Variants in CCDC18 observed in about 807,000 individuals in gnomAD.
CCDC18 encodes the protein coiled-coil domain containing 18.
In CCDC18, 157 loss-of-function variants were observed where a neutral mutation model predicts 196.0. That is an observed-to-expected ratio of 0.80 (90% CI 0.70 to 0.91). The LOEUF (loss-of-function observed/expected upper bound fraction) is 0.91, where lower values mean the gene tolerates loss of function less well. CCDC18 is among the 40% of genes least tolerant of loss of function. The pLI, the probability that CCDC18 is intolerant of heterozygous loss-of-function variation, is 0.00. For missense variants in CCDC18, 1,465 were observed against 1,611.6 expected (o/e 0.91, Z 1.56); for synonymous variants, 482 against 529.2 (o/e 0.91, Z 1.22).
chr1:93,214,762 A>G lies in CCDC18; in HGVS notation c.1515A>G (p.Gln505=). Reference sequence around the variant, plus strand: ...TATTAGCAGAAAGCGTAAAAGATCAAAATCAACATACTATGAACAAGCAAT... The same window carrying G: ...TATTAGCAGAAAGCGTAAAAGATCAGAATCAACATACTATGAACAAGCAAT... ...GHQVAESVKD[Q]NQHTMNKQYE... Residue 505 remains glutamine (Q), a synonymous_variant, in exon 12 of 29, where the codon CAA becomes CAG. Coordinates refer to ENST00000690025, the MANE Select transcript of CCDC18 (RefSeq NM_001378204.1). The G allele has an allele frequency of 1.2e-6, 2 of 1,611,564 alleles. No individual in the cohort carries two copies. Among genetic ancestry groups the G allele is most frequent in the Non-Finnish European group, 1.7e-6 (2 of 1,179,398 alleles).
intron 8 of CCDC18, among the ~76,000 whole-genome samples, chr1:93,206,400 T>C (rs1359653367): frequency 6.6e-6 from 1 of 152,116 alleles, no homozygotes; most frequent in Non-Finnish European, 1.5e-5. Context: ...TCACTTAAAA[T>C]TTTTATACTT....
intron 17 of CCDC18, among the ~76,000 whole-genome samples, chr1:93,228,606 TTTTCTA>T (rs1658770965): frequency 6.6e-6 from 1 of 152,148 alleles, no homozygotes; most frequent in Non-Finnish European, 1.5e-5. Flanking sequence ...AGGCATATAT[TTTTCTA>T]CTCCAATACA....
At chr1:93,208,581 C>G (rs1655100209) in intron 9 of CCDC18, among the ~76,000 whole-genome samples, 1 of 152,062 alleles carries the variant, frequency 6.6e-6, no homozygotes, top group Non-Finnish European at 1.5e-5. Flanking sequence ...AGGCGTGAGC[C>G]ACCATGCCTG....
intron 28 of CCDC18, among the ~76,000 whole-genome samples, chr1:93,272,722 A>G (rs1299106382): frequency 6.6e-6 from 1 of 152,214 alleles, no homozygotes; most frequent in Non-Finnish European, 1.5e-5. Context: ...AAACATCAAG[A>G]ATAGACAACT....
chr1:93,251,037 A>G (rs1477034946), intron 23 of CCDC18, among the ~76,000 whole-genome samples: 1 of 151,868 alleles, frequency 6.6e-6, no homozygotes, highest in African/African-American at 2.4e-5. Context: ...TTTCTTTCCC[A>G]CTTACTGTCT....
At chr1:93,201,150 G>T (rs933861067) in intron 6 of CCDC18, among the ~76,000 whole-genome samples, 1 of 152,160 alleles carries the variant, frequency 6.6e-6, no homozygotes, top group Non-Finnish European at 1.5e-5. Flanking sequence ...TTTCTGAAGG[G>T]TTAAGAGTTA....
At chr1:93,277,572 A>C (rs1376550919) in intron 28 of CCDC18, among the ~76,000 whole-genome samples, 1 of 145,644 alleles carries the variant, frequency 6.9e-6, no homozygotes, top group Non-Finnish European at 1.5e-5. Context: ...CAATCCATTT[A>C]ACTCTGAGTT....
upstream of CCDC18, chr1:93,180,146 C>A: frequency 6.2e-7 from 1 of 1,613,596 alleles, no homozygotes; most frequent in South Asian, 1.1e-5. Flanking sequence ...AAGTCGCTAT[C>A]GAGGGAAGGT....
At chr1:93,207,568 C>G (rs2101926773) in intron 9 of CCDC18, among the ~76,000 whole-genome samples, 170 bp downstream of exon 9, 1 of 152,206 alleles carries the variant, frequency 6.6e-6, no homozygotes, top group African/African-American at 2.4e-5. Flanking sequence ...ACTTACCATT[C>G]TACACTTTTC....
At chr1:93,261,660 C>G (rs190709758) in intron 26 of CCDC18, among the ~76,000 whole-genome samples, 1 of 152,166 alleles carries the variant, frequency 6.6e-6, no homozygotes, top group Non-Finnish European at 1.5e-5. Context: ...CAATCACCCA[C>G]AAAAATGTTA....
At chr1:93,225,982 T>C (rs1462770140) in intron 16 of CCDC18, among the ~76,000 whole-genome samples, 1 of 152,140 alleles carries the variant, frequency 6.6e-6, no homozygotes, top group Non-Finnish European at 1.5e-5. Context: ...AAATAACCAT[T>C]TCCTACAAAT....
At chr1:93,206,082 A>G (rs77116908) in intron 8 of CCDC18, among the ~76,000 whole-genome samples, 3,850 of 152,002 alleles carry the variant, frequency 0.025, 138 homozygotes, top group African/African-American at 0.082. Flanking sequence ...TCTGACTCCA[A>G]TGCTCTCTTT....
At chr1:93,230,277 A>G (rs1403096164) in intron 17 of CCDC18, among the ~76,000 whole-genome samples, 5 of 151,824 alleles carry the variant, frequency 3.3e-5, no homozygotes, top group Admixed American at 3.3e-4. Context: ...TGAGGCAGGC[A>G]GATCACAAGG....
rs537079218 is a variant in CCDC18, at chr1:93,248,490, T to C, written c.3198+1536T>C. 4.6e-5 allele frequency among the ~76,000 whole-genome samples: 7 copies of C among 152,340 alleles called. No individual in the cohort carries two copies. The South Asian group carries it at 1.4e-3, about 32-fold the overall frequency. ...TTAATGATTTGTGTATGTTGAACCATCTTGGCATCCCTGGGATGAATTCCA... is the reference window on the plus strand; with the variant it reads ...TTAATGATTTGTGTATGTTGAACCACCTTGGCATCCCTGGGATGAATTCCA... On this transcript the variant is annotated intron_variant, in intron 23 of 28. Transcript: ENST00000690025.
intron 23 of CCDC18, among the ~76,000 whole-genome samples, chr1:93,248,742 G>A (rs938047197): frequency 3.3e-5 from 5 of 152,098 alleles, no homozygotes; most frequent in Admixed American, 2.6e-4. Flanking sequence ...TTGGGAGGTC[G>A]AGGTGGGCAG....
At chr1:93,186,576 C>T in intron 4 of CCDC18, 73 bp downstream of exon 4, 1 of 1,215,120 alleles carries the variant, frequency 8.2e-7, no homozygotes, top group Admixed American at 2.3e-5. Flanking sequence ...AAAAATATTC[C>T]TTGTATTGCC....
chr1:93,262,781 C>A (rs1663988491), intron 26 of CCDC18, among the ~76,000 whole-genome samples: 1 of 152,290 alleles, frequency 6.6e-6, no homozygotes, highest in Middle Eastern at 3.4e-3. Flanking sequence ...GGTGGGGACT[C>A]TGTGTGGGGG....
At chr1:93,235,216 T>C (rs1659915742) in intron 18 of CCDC18, among the ~76,000 whole-genome samples, 1 of 152,024 alleles carries the variant, frequency 6.6e-6, no homozygotes. Context: ...GAGGTTAACT[T>C]TGAGACCACA....
At chr1:93,268,291 A>G (rs1664784992) in intron 27 of CCDC18, among the ~76,000 whole-genome samples, 1 of 152,240 alleles carries the variant, frequency 6.6e-6, no homozygotes, top group Non-Finnish European at 1.5e-5. Context: ...TGGATTAAAG[A>G]CTTAAATGTT....
Sources: allele counts gnomAD v4.1 joint callset (sites outside exome capture counted in the v4.1 genomes callset), GRCh38; gene constraint gnomAD v4.1.1; transcripts MANE v1.5; gene names NCBI Gene and HGNC (gene_info 2026-07-23, HGNC 2026-07-21).